AKAP6: variants seen among roughly 807,000 people sequenced by gnomAD.
AKAP6 encodes A-kinase anchoring protein 6.
AKAP6 carries 58 observed loss-of-function variants against 188.5 expected under a neutral mutation model. That is an observed-to-expected ratio of 0.31 (90% CI 0.25 to 0.38). The LOEUF is 0.38. Among genes scored for constraint, AKAP6 ranks in the 10% least tolerant of loss-of-function variants. AKAP6 has a pLI of 1.00. For missense variants in AKAP6, 2,710 were observed against 2,740.0 expected (o/e 0.99, Z 0.24); for synonymous variants, 989 against 998.6 (o/e 0.99, Z 0.18).
intron 12 of AKAP6, among the ~76,000 whole-genome samples, chr14:32,786,296 A>ATGTTTTTTTTGTTTTTTTTTTT: frequency 1.1e-5 from 1 of 93,706 alleles, no homozygotes; most frequent in Non-Finnish European, 2.1e-5. Flanking sequence ...CTAAACCTTT[A>ATGTTTTTTTTGTTTTTTTTTTT]TCTTTTTTTT....
intron 7 of AKAP6, among the ~76,000 whole-genome samples, chr14:32,639,562 G>A (rs1887667381): frequency 6.6e-6 from 1 of 152,144 alleles, no homozygotes; most frequent in Non-Finnish European, 1.5e-5. Flanking sequence ...ACAATAGTGA[G>A]CAAAACCAGA....
intron 2 of AKAP6, among the ~76,000 whole-genome samples, chr14:32,510,955 G>A (rs563820036): frequency 1.3e-5 from 2 of 152,184 alleles, no homozygotes; most frequent in East Asian, 3.9e-4. Flanking sequence ...GAAGAAGGAG[G>A]AGAAGACGTT....
rs28431292 is a variant in AKAP6, at chr14:32,501,496, T to C, written c.325-34058T>C. ...GTATATCACTTCTACCCACGTTCCA[T>C]TGGCCAGTATTTAGTCCATATGACC... On this transcript the variant is annotated intron_variant, in intron 2 of 13. Transcript: ENST00000280979. 8.8e-3 allele frequency among the ~76,000 whole-genome samples: 1,344 copies of C among 152,256 alleles called. 21 individuals are homozygous for C. The highest frequency in any genetic ancestry group is 0.028 in the African/African-American group (1,174 of 41,560).
At chr14:32,616,402 C>G (rs1886582322) in intron 7 of AKAP6, among the ~76,000 whole-genome samples, 1 of 152,192 alleles carries the variant, frequency 6.6e-6, no homozygotes. Context: ...CACATAAACA[C>G]CATGGAATAC....
At chr14:32,476,730 A>T (rs1026491884) in intron 2 of AKAP6, among the ~76,000 whole-genome samples, 9 of 152,176 alleles carry the variant, frequency 5.9e-5, no homozygotes, top group Non-Finnish European at 8.8e-5. Flanking sequence ...TAGCAAAGCC[A>T]AATACTGACA....
Position 32,830,906 on chromosome 14 carries a change from T to C in AKAP6, c.*1101T>C, listed in dbSNP as rs145454734. The C allele has an allele frequency of 7.1e-4, 108 of 152,470 alleles. No individual in the cohort carries two copies. Among genetic ancestry groups the C allele is most frequent in the African/African-American group, 2.6e-3 (107 of 41,570 alleles). The allele number at this position is 152,470 out of a possible 1,614,324, so 9.4% of individuals were successfully genotyped here. On this transcript the variant is annotated 3_prime_UTR_variant, in exon 14 of 14. Transcript: ENST00000280979. ...ATGTAGCAGCTTCCAAACATATTCA[T>C]ATTGCTTAAGAGGCTTAACATTACC...
At chr14:32,540,031 G>T (rs1405267545) in intron 3 of AKAP6, among the ~76,000 whole-genome samples, 1 of 150,150 alleles carries the variant, frequency 6.7e-6, no homozygotes, top group African/African-American at 2.5e-5. Flanking sequence ...ATCTAAGAAG[G>T]CATTTGGAAC....
rs548429394 is a variant in AKAP6, at chr14:32,445,329, A to G, written c.324+11512A>G. On this transcript the variant is annotated intron_variant, in intron 2 of 13. Coordinates refer to ENST00000280979, the MANE Select transcript of AKAP6 (RefSeq NM_004274.5). ...GCTAAAATGTCATCTGCTTGGTTAA[A>G]CCATCTTGCCAGCTAAGCTGGTTAA... is the stretch of plus-strand genomic sequence containing the variant. Among the ~76,000 whole-genome samples the G allele has an allele frequency of 1.2e-4, 19 of 152,174 alleles. No individual in the cohort carries two copies. The South Asian group carries it at 3.9e-3, about 32-fold the overall frequency.
intron 2 of AKAP6, among the ~76,000 whole-genome samples, chr14:32,522,028 A>G (rs1881864234): frequency 6.6e-6 from 1 of 152,210 alleles, no homozygotes; most frequent in Non-Finnish European, 1.5e-5. Context: ...CTTCAGAAAT[A>G]ATACCACACA....
At chr14:32,468,538 ACAGGATGTTG>A (rs11276910) in intron 2 of AKAP6, among the ~76,000 whole-genome samples, 51,350 of 151,692 alleles carry the variant, frequency 0.34, 10,290 homozygotes, top group Non-Finnish European at 0.46. Flanking sequence ...TCCTGTAATC[ACAGGATGTTG>A]CAGGATGTTA....
chr14:32,344,699 T>C (rs1470913258), intron 1 of AKAP6, among the ~76,000 whole-genome samples: 1 of 152,100 alleles, frequency 6.6e-6, no homozygotes, highest in Non-Finnish European at 1.5e-5. Flanking sequence ...TCAGATCACT[T>C]GAAGTCAGGA....
intron 1 of AKAP6, among the ~76,000 whole-genome samples, chr14:32,416,847 T>C (rs1889676172): frequency 6.6e-6 from 1 of 152,122 alleles, no homozygotes; most frequent in Admixed American, 6.6e-5. Flanking sequence ...CTTCTTTCTG[T>C]TTTGTTTTAA....
At chr14:32,422,719 G>T (rs975186513) in intron 1 of AKAP6, among the ~76,000 whole-genome samples, 3 of 152,014 alleles carry the variant, frequency 2.0e-5, no homozygotes, top group African/African-American at 7.3e-5. Context: ...ACACTTATCA[G>T]GTATAGTCTA....
rs557386272 is a variant in AKAP6, at chr14:32,484,439, C to T, written c.324+50622C>T. ...GTAGACTGTCCAACCTGTTCCGGCG[C>T]CGGCTTCCACTATGGCAGATGCAAG... On this transcript the variant is annotated intron_variant, in intron 2 of 13. Transcript: ENST00000280979. The T allele has an allele frequency of 7.4e-4, 124 of 166,670 alleles. 45 individuals carry two copies. The highest frequency in any genetic ancestry group is 7.6e-4 in the Non-Finnish European group (88 of 115,172). The allele number at this position is 166,670 out of a possible 1,614,324, so 10.3% of individuals were successfully genotyped here. A position where few individuals can be genotyped will look rare whatever the true frequency, so the allele number is the denominator to read the frequency against.
In AKAP6 at chr14:32,546,529, G is replaced by A. The variant is rs1566568038; in HGVS notation, c.1876G>A (p.Gly626Ser). 1.2e-6 allele frequency: 2 copies of A among 1,614,128 alleles called. No individual in the cohort carries two copies. The highest frequency in any genetic ancestry group is 2.2e-5 in the East Asian group (1 of 44,878). The change falls in exon 4 of 14, where the codon GGC becomes AGC. Residue 626 changes from glycine to serine, a missense_variant. This residue lies in a region of AKAP6 where 2,473 missense variants were observed against 2,426.1 expected (regional missense o/e 1.02). Coordinates refer to ENST00000280979, the MANE Select transcript of AKAP6 (RefSeq NM_004274.5). Reference protein sequence around the residue: ...RNGEVVEAWYGSDEYLALPSH... With the variant: ...RNGEVVEAWYSSDEYLALPSH... ...TGGTGAGGTTGTGGAGGCCTGGTAT[G>A]GCTCTGATGAATACCTAGCACTGCC...
At chr14:32,352,448 A>C (rs766398947) in intron 1 of AKAP6, among the ~76,000 whole-genome samples, 11 of 152,022 alleles carry the variant, frequency 7.2e-5, no homozygotes, top group Non-Finnish European at 1.5e-4. Context: ...AGTTATTATG[A>C]GATATACAAG....
At chr14:32,462,380 CCTCTGCA>C (rs1370835452) in intron 2 of AKAP6, among the ~76,000 whole-genome samples, 26 of 152,248 alleles carry the variant, frequency 1.7e-4, no homozygotes, top group African/African-American at 6.0e-4. Context: ...ACAGCAGATC[CCTCTGCA>C]GAAACCCTGT....
intron 9 of AKAP6, among the ~76,000 whole-genome samples, chr14:32,716,510 C>T (rs2030210430): frequency 6.7e-6 from 1 of 150,130 alleles, no homozygotes; most frequent in African/African-American, 2.4e-5. Context: ...CTATAGTATA[C>T]ACTATGTATT....
Position 32,823,520 on chromosome 14 carries a change from C to T in AKAP6, c.5707C>T (p.Pro1903Ser). 6.2e-7 allele frequency: 1 copy of T among 1,613,704 alleles called. No homozygotes were observed. The highest frequency in any genetic ancestry group is 1.1e-5 in the South Asian group (1 of 91,066). ...DMENGNIEGI[P>S]ERQKGKPNVT... Reference sequence around the variant, plus strand: ...GGAAAATGGCAATATTGAAGGTATTCCAGAAAGGCAAAAGGGAAAACCGAA... The same window carrying T: ...GGAAAATGGCAATATTGAAGGTATTTCAGAAAGGCAAAAGGGAAAACCGAA... The change falls in exon 13 of 14, where the codon CCA becomes TCA. Residue 1903 changes from proline to serine, a missense_variant. Pro to Ser is a moderately conservative substitution (Grantham distance 74). Around this residue, in one of 2 missense-constraint regions of AKAP6, gnomAD observed 2,473 missense variants for 2,426.1 expected, o/e 1.02. Coordinates refer to ENST00000280979, the MANE Select transcript of AKAP6 (RefSeq NM_004274.5).
Sources: gnomAD v4.1 joint callset for allele counts (sites outside exome capture counted in the v4.1 genomes callset) on GRCh38, gnomAD v4.1.1 for gene constraint, gnomAD v4.1.1 regional missense constraint, MANE v1.5 for transcripts, NCBI Gene and HGNC (gene_info 2026-07-23, HGNC 2026-07-21) for gene names.